COL4A2: variants seen among roughly 807,000 people sequenced by gnomAD.
COL4A2 encodes collagen type IV alpha 2 chain.
COL4A2 carries 99 observed loss-of-function variants against 200.2 expected under a neutral mutation model. The observed-to-expected ratio is 0.49, with a 90% confidence interval of 0.42 to 0.58. The LOEUF is 0.58. Ranked by LOEUF, COL4A2 falls within the 20% of genes least tolerant of loss-of-function variation. The pLI, the probability that COL4A2 is intolerant of heterozygous loss-of-function variation, is 0.00. For synonymous variants in COL4A2, 897 were observed against 900.6 expected (o/e 1.00, Z 0.07); for missense variants, 1,950 against 2,314.1 (o/e 0.84, Z 3.23).
At chr13:110,449,357 AG>A (rs1881443888) in intron 18 of COL4A2, among the ~76,000 whole-genome samples, 1 of 152,150 alleles carries the variant, frequency 6.6e-6, no homozygotes, top group Admixed American at 6.5e-5. Context: ...GCTGGGGCTG[AG>A]GGGCAGAGTG....
rs77975863 is a variant in COL4A2, at chr13:110,397,526, C to A, written c.181-27208C>A. On this transcript the variant is annotated intron_variant, in intron 4 of 47. Coordinates refer to ENST00000360467, the MANE Select transcript of COL4A2 (RefSeq NM_001846.4). ...AACTTTTTTCAGTTTTTAAGAACAT[C>A]GTAGGTGGCATATTTCACAATCTTG... 2.0e-3 allele frequency among the ~76,000 whole-genome samples: 312 copies of A among 152,290 alleles called. 2 individuals are homozygous for A. The highest frequency in any genetic ancestry group is 7.4e-3 in the African/African-American group (307 of 41,548).
In COL4A2 at chr13:110,506,625, G is replaced by T. The variant is rs1454115319; in HGVS notation, c.4594+19G>T. On this transcript the variant is annotated intron_variant, in intron 46 of 47. Coordinates refer to ENST00000360467, the MANE Select transcript of COL4A2 (RefSeq NM_001846.4). ...GACCTGGGTAGGTACCTCCCACCCG[G>T]CCCCCGTTGCCTGCTCAGGGCTGGC... is the stretch of plus-strand genomic sequence containing the variant. 1 of 1,583,388 alleles carries T rather than the reference G, an allele frequency of 6.3e-7. No individual in the cohort carries two copies. Among genetic ancestry groups the T allele is most frequent in the Admixed American group, 1.8e-5 (1 of 55,864 alleles).
At chr13:110,356,908 G>A (rs547211173) in intron 3 of COL4A2, among the ~76,000 whole-genome samples, 48 of 151,950 alleles carry the variant, frequency 3.2e-4, no homozygotes, top group Non-Finnish European at 5.7e-4. Context: ...TGGGAATACC[G>A]GTGCCTGCCA....
intron 18 of COL4A2, among the ~76,000 whole-genome samples, chr13:110,448,214 G>T (rs1160425491): frequency 6.6e-6 from 1 of 152,168 alleles, no homozygotes; most frequent in Admixed American, 6.5e-5. Flanking sequence ...GAAATATGCT[G>T]TTTGAGATTT....
At chr13:110,327,260 G>T (rs550266611) in intron 3 of COL4A2, among the ~76,000 whole-genome samples, 2 of 152,188 alleles carry the variant, frequency 1.3e-5, no homozygotes, top group African/African-American at 4.8e-5. Flanking sequence ...CAGTTACTCT[G>T]GTTGGGTTGT....
chr13:110,314,771 G>T (rs899011942), intron 3 of COL4A2, among the ~76,000 whole-genome samples: 13 of 152,180 alleles, frequency 8.5e-5, no homozygotes, highest in Admixed American at 2.0e-4. Context: ...CAGTACCCTC[G>T]TGCCCTCCTG....
At position 110,434,339 on chromosome 13, in the gene COL4A2, T is replaced by C. The variant is rs754285161; in HGVS notation, c.685-62T>C. ...CTTGGGTTTCTTTTTCTAAGAAAAA[T>C]AATTTTATTTCTCTCTGATTATTGG... On this transcript the variant is annotated intron_variant, in intron 11 of 47. Coordinates refer to ENST00000360467, the MANE Select transcript of COL4A2 (RefSeq NM_001846.4). 216 of 1,518,110 alleles carry C rather than the reference T, an allele frequency of 1.4e-4. 1 individual carries two copies. In the Middle Eastern group the frequency reaches 2.4e-3, roughly 17 times the overall value. The allele number at this position is 1,518,110 out of a possible 1,614,324, so 94.0% of individuals were successfully genotyped here.
At chr13:110,423,656 A>G (rs888179478) in intron 4 of COL4A2, among the ~76,000 whole-genome samples, 7 of 152,122 alleles carry the variant, frequency 4.6e-5, no homozygotes, top group African/African-American at 1.7e-4. Flanking sequence ...CCACCAATCC[A>G]TCTCCAGAAC....
chr13:110,450,698 A>G (rs1416311037), intron 20 of COL4A2, among the ~76,000 whole-genome samples: 1 of 152,198 alleles, frequency 6.6e-6, no homozygotes, highest in Non-Finnish European at 1.5e-5. Context: ...CGTGGATGCC[A>G]CACAGTGAGG....
Position 110,458,909 on chromosome 13 carries a change from G to C in COL4A2, c.1571G>C (p.Gly524Ala). The change falls in exon 22 of 48, where the codon GGC (glycine) becomes GCC (alanine). Residue 524 changes from glycine (G) to alanine (A), a missense_variant. Coordinates refer to ENST00000360467, the MANE Select transcript of COL4A2 (RefSeq NM_001846.4). Reference sequence around the variant, plus strand: ...GACAGAGGAGACCCCGGCCAACACGGCCTCCCTGGGTTCCCAGGGCTCAAG... The same window carrying C: ...GACAGAGGAGACCCCGGCCAACACGCCCTCCCTGGGTTCCCAGGGCTCAAG... ...KGDRGDPGQH[G>A]LPGFPGLKGV... is the part of the protein sequence containing the mutation. 1 of 1,586,822 alleles carries C rather than the reference G, an allele frequency of 6.3e-7. No individual in the cohort carries two copies. The highest frequency in any genetic ancestry group is 1.8e-5 in the Admixed American group (1 of 55,630).
rs1208966185 is a variant in COL4A2 at position 110,512,705 on chromosome 13, T to A, written c.*514T>A. 1.3e-5 allele frequency: 2 copies of A among 158,542 alleles called. No individual in the cohort carries two copies. Among genetic ancestry groups the A allele is most frequent in the African/African-American group, 4.8e-5 (2 of 41,540 alleles). The allele number at this position is 158,542 out of a possible 1,614,324, so 9.8% of individuals were successfully genotyped here. A position where few individuals can be genotyped will look rare whatever the true frequency, so the allele number is the denominator to read the frequency against. On this transcript the variant is annotated 3_prime_UTR_variant, in exon 48 of 48. Coordinates refer to ENST00000360467, the MANE Select transcript of COL4A2 (RefSeq NM_001846.4). ...AGCTCCATGTTCTCCCAAATACCGT[T>A]GATGTGAATTATTTTAAAGGCAAAA...
At chr13:110,333,561 T>C (rs1327690911) in intron 3 of COL4A2, among the ~76,000 whole-genome samples, 1 of 152,182 alleles carries the variant, frequency 6.6e-6, no homozygotes, top group African/African-American at 2.4e-5. Flanking sequence ...TCTCCAAACA[T>C]TTTCTAACTT....
At chr13:110,363,526 A>G (rs1018877144) in intron 4 of COL4A2, among the ~76,000 whole-genome samples, 3 of 152,186 alleles carry the variant, frequency 2.0e-5, no homozygotes, top group African/African-American at 7.2e-5. Context: ...TTGGAGGCAG[A>G]TAACGAGAAG....
chr13:110,428,836 A>G (rs183794263), intron 7 of COL4A2, among the ~76,000 whole-genome samples: 781 of 152,338 alleles, frequency 5.1e-3, no homozygotes, highest in Non-Finnish European at 8.5e-3. Context: ...TTTTCTCCCA[A>G]ATTCTCATGC....
At chr13:110,456,413 T>A in intron 20 of COL4A2, 1 of 276,880 alleles carries the variant, frequency 3.6e-6, no homozygotes, top group Non-Finnish European at 7.0e-6. Context: ...ATCTTTTTTT[T>A]AGTTTTTTGG....
rs1474601407 is a variant in COL4A2 at position 110,508,465 on chromosome 13, G to A, written c.4881+244G>A. ...TTAATTTGCCACCAGGCCTTTGTAAGGAGTGTAACCAGGACGAACTTGCCT... is the reference window on the plus strand; with the variant it reads ...TTAATTTGCCACCAGGCCTTTGTAAAGAGTGTAACCAGGACGAACTTGCCT... On this transcript the variant is annotated intron_variant, in intron 47 of 47. Transcript: ENST00000360467. This position sits in a 1 kb window ranked among gnomAD's most constrained non-coding sequence, Gnocchi z 6.1. 8 of 632,374 alleles carry A rather than the reference G, an allele frequency of 1.3e-5. No individual in the cohort carries two copies. Among genetic ancestry groups the A allele is most frequent in the Non-Finnish European group, 2.2e-5 (8 of 370,852 alleles). The allele number at this position is 632,374 out of a possible 1,614,324, so 39.2% of individuals were successfully genotyped here. A position where few individuals can be genotyped will look rare whatever the true frequency, so the allele number is the denominator to read the frequency against.
intron 30 of COL4A2, among the ~76,000 whole-genome samples, chr13:110,479,069 T>C (rs1050492147): frequency 6.6e-6 from 1 of 152,154 alleles, no homozygotes; most frequent in African/African-American, 2.4e-5. Flanking sequence ...CGCTCCCCTA[T>C]TGCCGCACTA....
At chr13:110,438,863 G>T (rs557210685) in intron 15 of COL4A2, among the ~76,000 whole-genome samples, 195 bp downstream of exon 15, 1 of 150,052 alleles carries the variant, frequency 6.7e-6, no homozygotes, top group East Asian at 1.9e-4. Context: ...TGGGGGCTGC[G>T]CTGGCTACAA....
At chr13:110,507,883 G>C in intron 46 of COL4A2, 52 bp from the exon 47 acceptor site, 1 of 1,573,134 alleles carries the variant, frequency 6.4e-7, no homozygotes, top group African/African-American at 1.3e-5. Flanking sequence ...GGGCTGGCAG[G>C]TGCGTCTTCT....
Sources: allele counts gnomAD v4.1 joint callset (sites outside exome capture counted in the v4.1 genomes callset), GRCh38; gene constraint gnomAD v4.1.1; non-coding constraint Gnocchi (gnomAD v3.1); transcripts MANE v1.5; gene names NCBI Gene and HGNC (gene_info 2026-07-23, HGNC 2026-07-21).